The following RTEL1 variants were observed in gnomAD, a reference collection of about 807,000 sequenced individuals.
RTEL1 encodes regulator of telomere elongation helicase 1.
A neutral mutation model predicts 162.2 loss-of-function variants in RTEL1; 86 were observed. The observed-to-expected ratio is 0.53, with a 90% confidence interval of 0.45 to 0.63. RTEL1 has a LOEUF of 0.63. Ranked by LOEUF, RTEL1 falls within the 30% of genes least tolerant of loss-of-function variation. RTEL1 has a pLI of 0.00. For missense variants in RTEL1, 1,941 were observed against 1,750.2 expected (o/e 1.11, Z -1.95); for synonymous variants, 958 against 717.9 (o/e 1.33, Z -5.35).
chr20:63,693,164 C>T lies in RTEL1; in HGVS notation c.2873C>T (p.Pro958Leu). 3 of 1,612,196 alleles carry T rather than the reference C, an allele frequency of 1.9e-6. No homozygotes were observed. Among genetic ancestry groups the T allele is most frequent in the Non-Finnish European group, 2.5e-6 (3 of 1,179,562 alleles). The change falls in exon 30 of 35, where the codon CCC (proline) becomes CTC (leucine). Residue 958 changes from proline (P) to leucine (L), a missense_variant. Physicochemically the swap from Pro to Leu is moderately conservative, Grantham distance 98 (BLOSUM62 -3). Transcript: ENST00000360203. ...ACAGGCTTCTACCAGTTTGTGCGGC[C>T]CCACCATAAGCAGCAGTTTGAGGAG... Reference protein sequence around the residue: ...LLQGFYQFVRPHHKQQFEEVC... With the variant: ...LLQGFYQFVRLHHKQQFEEVC...
At position 63,693,247 on chromosome 20, in the gene RTEL1, C is replaced by G; in HGVS notation, c.2956C>G (p.Arg986Gly). The part of the protein sequence containing the change: ...CGYRPEHSIP[R>G]RQRAQPVLDP... Reference sequence around the variant, plus strand: ...CTATCGGCCTGAGCACAGCATTCCCCGAAGGCAGCGGGCACAGCCGGTCCT... The same window carrying G: ...CTATCGGCCTGAGCACAGCATTCCCGGAAGGCAGCGGGCACAGCCGGTCCT... The change falls in exon 30 of 35, where the codon CGA becomes GGA. Residue 986 changes from arginine (R) to glycine (G), a missense_variant. Physicochemically the swap from Arg to Gly is moderately radical, Grantham distance 125. Transcript: ENST00000360203. 2 of 1,611,976 alleles carry G rather than the reference C, an allele frequency of 1.2e-6. No individual in the cohort carries two copies. The highest frequency in any genetic ancestry group is 1.7e-6 in the Non-Finnish European group (2 of 1,179,444).
intron 8 of RTEL1, among the ~76,000 whole-genome samples, chr20:63,669,425 T>A (rs1460440683): frequency 6.6e-6 from 1 of 152,220 alleles, no homozygotes; most frequent in Non-Finnish European, 1.5e-5. Context: ...ACATTAAAAT[T>A]TAGACTTCAC....
At chr20:63,685,436 C>T in intron 14 of RTEL1, 87 bp from the exon 15 acceptor site, 3 of 1,367,086 alleles carry the variant, frequency 2.2e-6, no homozygotes, top group Non-Finnish European at 1.0e-6. Context: ...CCTGGGTGTC[C>T]TGTGACCTTC....
intron 8 of RTEL1, among the ~76,000 whole-genome samples, chr20:63,671,097 G>A (rs1569088180): frequency 2.0e-5 from 3 of 152,336 alleles, no homozygotes; most frequent in Non-Finnish European, 2.9e-5. Flanking sequence ...GTCTCGCTCT[G>A]TGGTGCAGGC....
At chr20:63,677,460 C>G (rs976516892) in intron 10 of RTEL1, among the ~76,000 whole-genome samples, 1 of 152,074 alleles carries the variant, frequency 6.6e-6, no homozygotes, top group African/African-American at 2.4e-5. Flanking sequence ...ACTAAAAATG[C>G]GAAAATTAGC....
chr20:63,686,181 A>G (rs1222860964), intron 16 of RTEL1: 3 of 466,304 alleles, frequency 6.4e-6, no homozygotes, highest in African/African-American at 5.9e-5. Flanking sequence ...CCGTCAGCAC[A>G]GAGCCTCCAC....
chr20:63,675,782 C>T (rs935384603), intron 10 of RTEL1, among the ~76,000 whole-genome samples: 14 of 152,168 alleles, frequency 9.2e-5, no homozygotes, highest in African/African-American at 2.7e-4. Context: ...ACCTCTCTAA[C>T]GGGGTGGACG....
At chr20:63,664,787 G>A (rs1019178137) in intron 6 of RTEL1, among the ~76,000 whole-genome samples, 7 of 152,220 alleles carry the variant, frequency 4.6e-5, no homozygotes, top group Admixed American at 6.5e-5. Context: ...TATTTTGGGC[G>A]AATGAGGAGA....
At chr20:63,685,711 G>T in intron 15 of RTEL1, 80 bp from the exon 16 acceptor site, 2 of 1,582,350 alleles carry the variant, frequency 1.3e-6, no homozygotes, top group African/African-American at 1.3e-5. Flanking sequence ...TGGGGCTGGG[G>T]GTCTTCTGGT....
chr20:63,695,836 T>C lies in RTEL1; in HGVS notation c.3881T>C (p.Val1294Ala). Residue 1294 changes from valine (V) to alanine (A), a missense_variant, in exon 35 of 35, where the codon GTC (valine) becomes GCC (alanine). Val to Ala is a moderately conservative substitution (Grantham distance 64). Coordinates refer to ENST00000360203, the MANE Select transcript of RTEL1 (RefSeq NM_001283009.2). ...TCCAGGAAGCAGAGCGTCATGCAGG[T>C]CTTCTGGCCAGAGCCCCAGTGAGTG... ...TASRKQSVMQ[V>A]FWPEPQ 1 of 1,596,736 alleles carries C rather than the reference T, an allele frequency of 6.3e-7. No homozygotes were observed. The highest frequency in any genetic ancestry group is 8.5e-7 in the Non-Finnish European group (1 of 1,173,376).
In RTEL1 at chr20:63,690,355, A is replaced by T. The variant is rs2090705942; in HGVS notation, c.2327A>T (p.Glu776Val). Reference sequence around the variant, plus strand: ...GTGCGTGGAGAAGATGCTGTCAGCGAGGCCAAGTCGCCTGGCCCCTTCTTC... The same window carrying T: ...GTGCGTGGAGAAGATGCTGTCAGCGTGGCCAAGTCGCCTGGCCCCTTCTTC... Reference protein sequence around the residue: ...PSVRGEDAVSEAKSPGPFFST... With the variant: ...PSVRGEDAVSVAKSPGPFFST... The change falls in exon 26 of 35, where the codon GAG becomes GTG. Residue 776 changes from glutamate (E) to valine (V), a missense_variant. By Grantham distance (121) the Glu-to-Val change is moderately radical. Transcript: ENST00000360203. The T allele has an allele frequency of 6.2e-7, 1 of 1,611,816 alleles. No homozygotes were observed. Among genetic ancestry groups the T allele is most frequent in the East Asian group, 2.2e-5 (1 of 44,862 alleles).
intron 14 of RTEL1, chr20:63,681,427 G>A: frequency 1.0e-6 from 1 of 985,326 alleles, no homozygotes; most frequent in Non-Finnish European, 1.2e-6. Flanking sequence ...GCTGTGTGGA[G>A]CCCTGTGAGG....
chr20:63,688,033 C>G lies in RTEL1; in HGVS notation c.1578C>G (p.Ser526Arg). The change falls in exon 18 of 35, where the codon AGC (serine) becomes AGG (arginine). Residue 526 changes from serine (S) to arginine (R), a missense_variant. Physicochemically the swap from Ser to Arg is moderately radical, Grantham distance 110. Coordinates refer to ENST00000360203, the MANE Select transcript of RTEL1 (RefSeq NM_001283009.2). Reference protein sequence around the residue: ...VPRGPDGAQLSSAFDRRFSEE... With the variant: ...VPRGPDGAQLRSAFDRRFSEE... The stretch of plus-strand genomic sequence containing the variant: ...GAGGCCCCGATGGAGCCCAGTTGAG[C>G]TCCGCGTTTGACAGACGGTGAGGGC... 1 of 1,612,770 alleles carries G rather than the reference C, an allele frequency of 6.2e-7. No individual in the cohort carries two copies. The highest frequency in any genetic ancestry group is 1.1e-5 in the South Asian group (1 of 91,082).
intron 14 of RTEL1, chr20:63,682,741 A>C: frequency 9.4e-6 from 9 of 961,284 alleles, no homozygotes; most frequent in Non-Finnish European, 1.1e-5. Flanking sequence ...GAGTGGGGCC[A>C]GTGGCCCCAG....
Position 63,661,575 on chromosome 20 carries a change from CA to C in RTEL1, c.301+80del. On this transcript the variant is annotated intron_variant, in intron 3 of 34. Transcript: ENST00000360203. This position sits in a 1 kb window ranked among gnomAD's most constrained non-coding sequence, Gnocchi z 5.1. ...GATGGCGCTGAGGGTGGGGTGGGCCCATGGGGACTCCTGCCGTCTCTCAAGC... is the reference window on the plus strand; with the variant it reads ...GATGGCGCTGAGGGTGGGGTGGGCCCTGGGGACTCCTGCCGTCTCTCAAGC... 1 of 1,371,336 alleles carries C rather than the reference CA, an allele frequency of 7.3e-7. No individual in the cohort carries two copies. Among genetic ancestry groups the C allele is most frequent in the Non-Finnish European group, 1.0e-6 (1 of 1,002,330 alleles). 84.9% of individuals were successfully genotyped at this position (1,371,336 alleles called of 1,614,324 possible). A position where few individuals can be genotyped will look rare whatever the true frequency, so the allele number is the denominator to read the frequency against.
At chr20:63,660,378 G>A (rs150907774) in intron 2 of RTEL1, among the ~76,000 whole-genome samples, 267 of 152,354 alleles carry the variant, frequency 1.8e-3, no homozygotes, top group African/African-American at 6.2e-3. Context: ...AGGTCCCTGC[G>A]GCTTTCCGCA....
chr20:63,667,978 C>G (rs913164287), intron 8 of RTEL1, among the ~76,000 whole-genome samples: 5 of 149,400 alleles, frequency 3.3e-5, no homozygotes, highest in Non-Finnish European at 5.9e-5. Context: ...ACACTCACTC[C>G]CCTCTTCCCA....
intron 31 of RTEL1, 27 bp from the exon 32 acceptor site, chr20:63,694,714 C>T (rs776153413): frequency 1.3e-5 from 21 of 1,565,390 alleles, no homozygotes; most frequent in Non-Finnish European, 1.7e-5. Flanking sequence ...CCCAGCGCCA[C>T]TCTGAGCCAT....
intron 8 of RTEL1, among the ~76,000 whole-genome samples, chr20:63,669,466 G>A (rs1212829306): frequency 2.0e-5 from 3 of 152,206 alleles, no homozygotes; most frequent in Non-Finnish European, 4.4e-5. Flanking sequence ...CTGTGGAAGA[G>A]TTGAGAAAAT....
Sources: gnomAD v4.1 joint callset for allele counts (sites outside exome capture counted in the v4.1 genomes callset) on GRCh38, gnomAD v4.1.1 for gene constraint, Gnocchi (gnomAD v3.1) non-coding constraint, MANE v1.5 for transcripts, NCBI Gene and HGNC (gene_info 2026-07-23, HGNC 2026-07-21) for gene names.